Variants in ARHGAP18 observed in about 807,000 individuals in gnomAD.
The protein encoded by ARHGAP18 is rho GTPase-activating protein 18.
ARHGAP18 carries 67 observed loss-of-function variants against 86.2 expected under a neutral mutation model. The observed-to-expected ratio is 0.78, with a 90% CI of 0.64 to 0.95. The LOEUF is 0.95. ARHGAP18 is among the 40% of genes least tolerant of loss of function. The probability of loss-of-function intolerance (pLI) is 0.00; values close to 1 mark genes in which losing one functional copy is unlikely to be tolerated. For synonymous variants in ARHGAP18, 283 were observed against 280.4 expected (o/e 1.01, Z -0.09); for missense variants, 691 against 780.4 (o/e 0.89, Z 1.37).
chr6:129,588,758 G>A (rs961154814), intron 12 of ARHGAP18, among the ~76,000 whole-genome samples: 1 of 152,198 alleles, frequency 6.6e-6, no homozygotes, highest in Non-Finnish European at 1.5e-5. Context: ...TCTCCATGAG[G>A]GTTCTGCCCC....
intron 6 of ARHGAP18, among the ~76,000 whole-genome samples, chr6:129,616,677 G>A (rs540244522): frequency 1.3e-4 from 20 of 152,320 alleles, no homozygotes; most frequent in African/African-American, 4.6e-4. Context: ...GCCAGGTGCA[G>A]TGGCTTATGT....
At chr6:129,637,492 G>A (rs1211935580) in intron 3 of ARHGAP18, among the ~76,000 whole-genome samples, 2 of 152,080 alleles carry the variant, frequency 1.3e-5, no homozygotes, top group Admixed American at 1.3e-4. Flanking sequence ...CTGTGCTAAG[G>A]CTAGACACCT....
At chr6:129,667,276 T>G (rs1331286351) in intron 1 of ARHGAP18, among the ~76,000 whole-genome samples, 1 of 152,136 alleles carries the variant, frequency 6.6e-6, no homozygotes, top group Non-Finnish European at 1.5e-5. Flanking sequence ...AGCAACATTT[T>G]TAGAACAGTG....
chr6:129,647,354 G>C (rs1376409994), intron 1 of ARHGAP18, among the ~76,000 whole-genome samples: 1 of 151,982 alleles, frequency 6.6e-6, no homozygotes, highest in Non-Finnish European at 1.5e-5. Context: ...TTAACTATCT[G>C]GTCCAATTTC....
intron 14 of ARHGAP18, 125 bp from the exon 15 acceptor site, chr6:129,578,729 C>T (rs1346220469): frequency 5.9e-6 from 4 of 676,276 alleles, no homozygotes; most frequent in Admixed American, 2.8e-5. Flanking sequence ...TTTGGGAGGC[C>T]GAGGTGGGCA....
Position 129,634,031 on chromosome 6 carries a change from G to A in ARHGAP18, c.616+11C>T, listed in dbSNP as rs765163760. ...GAAAAAAAAAAAAACAAGAGAACAGGTTCAACATACCATCTCTTCCTTGGT... is the reference window on the plus strand; with the variant it reads ...GAAAAAAAAAAAAACAAGAGAACAGATTCAACATACCATCTCTTCCTTGGT... On this transcript the variant is annotated intron_variant, in intron 4 of 14. Transcript: ENST00000368149. 1 of 1,604,030 alleles carries A rather than the reference G, an allele frequency of 6.2e-7. No individual in the cohort carries two copies. The highest frequency in any genetic ancestry group is 1.3e-5 in the African/African-American group (1 of 74,182).
At chr6:129,637,700 A>G (rs907423013) in intron 3 of ARHGAP18, among the ~76,000 whole-genome samples, 5 of 152,306 alleles carry the variant, frequency 3.3e-5, no homozygotes, top group South Asian at 2.1e-4. Flanking sequence ...GCTGTAACCA[A>G]TCTCGCTGTT....
chr6:129,670,221 C>T (rs551135269), intron 1 of ARHGAP18, among the ~76,000 whole-genome samples: 203 of 152,310 alleles, frequency 1.3e-3, no homozygotes, highest in African/African-American at 4.6e-3. Context: ...TTCAAGCTTT[C>T]TCTGGTCTAA....
At chr6:129,671,417 G>C (rs1774138474) in intron 1 of ARHGAP18, among the ~76,000 whole-genome samples, 1 of 152,146 alleles carries the variant, frequency 6.6e-6, no homozygotes, top group South Asian at 2.1e-4. Context: ...TGTGAATTAG[G>C]GCCAGGCGCA....
intron 1 of ARHGAP18, among the ~76,000 whole-genome samples, chr6:129,654,615 CAAGCGTTG>C (rs1773788747): frequency 6.6e-6 from 1 of 152,174 alleles, no homozygotes; most frequent in Non-Finnish European, 1.5e-5. Context: ...TTCATGGCCT[CAAGCGTTG>C]CCCCGCTAGC....
Position 129,611,522 on chromosome 6 carries a change from C to A in ARHGAP18, c.1122+11G>T. The A allele has an allele frequency of 6.2e-7, 1 of 1,611,936 alleles. No homozygotes were observed. Among genetic ancestry groups the A allele is most frequent in the Non-Finnish European group, 8.5e-7 (1 of 1,178,368 alleles). ...AATAAAATGTTTACATTAGTAGAAC[C>A]CAGAGATTACCTTGATTCTAATGGC... On this transcript the variant is annotated intron_variant, in intron 8 of 14. Coordinates refer to ENST00000368149, the MANE Select transcript of ARHGAP18 (RefSeq NM_033515.3).
intron 1 of ARHGAP18, among the ~76,000 whole-genome samples, chr6:129,648,904 A>T (rs1364714631): frequency 3.3e-5 from 5 of 152,240 alleles, no homozygotes; most frequent in Admixed American, 2.0e-4. Flanking sequence ...GCTGCAGCCT[A>T]CAAATGACCC....
chr6:129,704,859 T>C (rs1314791987), intron 1 of ARHGAP18, among the ~76,000 whole-genome samples: 1 of 152,230 alleles, frequency 6.6e-6, no homozygotes, highest in Non-Finnish European at 1.5e-5. Context: ...TCAAATGTTC[T>C]ATAAGGTTAT....
At chr6:129,655,317 C>CAAAAAAAAAAAAAAAAAAAAAAAAAAAAA (rs55681217) in intron 1 of ARHGAP18, among the ~76,000 whole-genome samples, 8 of 75,078 alleles carry the variant, frequency 1.1e-4, no homozygotes, top group Admixed American at 1.7e-4. Flanking sequence ...AAAACTCTCT[C>CAAAAAAAAAAAAAAAAAAAAAAAAAAAAA]AAAAAAAAAA....
chr6:129,625,251 A>T (rs1323084421), intron 5 of ARHGAP18, among the ~76,000 whole-genome samples: 3 of 47,772 alleles, frequency 6.3e-5, no homozygotes, highest in African/African-American at 3.3e-4. Flanking sequence ...TTTATATGTA[A>T]TATATATGAT....
At chr6:129,580,981 A>G (rs1249913226) in intron 13 of ARHGAP18, among the ~76,000 whole-genome samples, 1 of 152,198 alleles carries the variant, frequency 6.6e-6, no homozygotes, top group Non-Finnish European at 1.5e-5. Context: ...CTTTCTGTAA[A>G]AGAATTACCT....
At chr6:129,610,669 C>T (rs1214059557) in intron 8 of ARHGAP18, among the ~76,000 whole-genome samples, 3 of 152,064 alleles carry the variant, frequency 2.0e-5, no homozygotes, top group Admixed American at 1.3e-4. Flanking sequence ...GCACTGTTGC[C>T]CGGGCTGGAG....
At chr6:129,701,256 G>C (rs1324884883) in intron 1 of ARHGAP18, among the ~76,000 whole-genome samples, 1 of 152,126 alleles carries the variant, frequency 6.6e-6, no homozygotes, top group African/African-American at 2.4e-5. Context: ...GAAGCAGGAA[G>C]GGCATCATTA....
At chr6:129,617,722 A>G (rs1329345601) in intron 6 of ARHGAP18, among the ~76,000 whole-genome samples, 2 of 152,168 alleles carry the variant, frequency 1.3e-5, no homozygotes, top group Admixed American at 1.3e-4. Flanking sequence ...TTACGTTTGG[A>G]GAAGGCTTTG....
Sources: gnomAD v4.1 joint callset for allele counts (sites outside exome capture counted in the v4.1 genomes callset) on GRCh38, gnomAD v4.1.1 for gene constraint, MANE v1.5 for transcripts, NCBI Gene and HGNC (gene_info 2026-07-23, HGNC 2026-07-21) for gene names.